The following SLC35F4 variants were observed in gnomAD, a reference collection of about 807,000 sequenced individuals.
SLC35F4 encodes chromosome 14 open reading frame 36.
SLC35F4 carries 24 observed loss-of-function variants against 44.2 expected under a neutral mutation model. The ratio of observed to expected loss-of-function variants is 0.54; its 90% CI spans 0.39 to 0.76. The LOEUF is 0.76. Ranked by LOEUF, SLC35F4 falls within the 30% of genes least tolerant of loss-of-function variation. SLC35F4 has a pLI of 0.00. For synonymous variants in SLC35F4, 238 were observed against 223.6 expected (o/e 1.06, Z -0.57); for missense variants, 562 against 586.1 (o/e 0.96, Z 0.42).
At chr14:57,622,668 G>C (rs2072250218) in intron 1 of SLC35F4, among the ~76,000 whole-genome samples, 1 of 152,050 alleles carries the variant, frequency 6.6e-6, no homozygotes, top group Admixed American at 6.6e-5. Flanking sequence ...GGGGACTGTT[G>C]TGGGGTTGGG....
chr14:57,728,874 G>T (rs2076279465), intron 1 of SLC35F4, among the ~76,000 whole-genome samples: 3 of 152,072 alleles, frequency 2.0e-5, no homozygotes, highest in South Asian at 2.1e-4. Context: ...CTCAGCTTTT[G>T]TTTGTCTGAG....
intron 1 of SLC35F4, among the ~76,000 whole-genome samples, chr14:57,880,254 T>TTGCA (rs1404898454): frequency 6.6e-6 from 1 of 152,202 alleles, no homozygotes; most frequent in African/African-American, 2.4e-5. Context: ...TTGCATTTGT[T>TTGCA]TGCATGTAGT....
chr14:57,863,213 C>G (rs1887829366), intron 1 of SLC35F4, among the ~76,000 whole-genome samples: 1 of 152,208 alleles, frequency 6.6e-6, no homozygotes, highest in Non-Finnish European at 1.5e-5. Flanking sequence ...TACTCAATAA[C>G]TGTTCATTAA....
intron 1 of SLC35F4, among the ~76,000 whole-genome samples, chr14:57,721,014 A>ATATG (rs2076074791): frequency 8.3e-6 from 1 of 120,096 alleles, no homozygotes; most frequent in Non-Finnish European, 1.8e-5. Flanking sequence ...ATATATATAT[A>ATATG]TGAGTTAATA....
intron 1 of SLC35F4, among the ~76,000 whole-genome samples, chr14:57,670,840 G>C (rs2074491458): frequency 6.6e-6 from 1 of 150,452 alleles, no homozygotes; most frequent in African/African-American, 2.4e-5. Flanking sequence ...TCTAATCCCA[G>C]AAAGACTAGG....
intron 1 of SLC35F4, among the ~76,000 whole-genome samples, chr14:57,928,853 G>C (rs561437262): frequency 7.2e-5 from 11 of 152,170 alleles, no homozygotes; most frequent in Non-Finnish European, 1.5e-5. Flanking sequence ...ACTTCCTCAA[G>C]AAGAAGAAGA....
At chr14:57,672,144 AG>A (rs2074542126) in intron 1 of SLC35F4, among the ~76,000 whole-genome samples, 1 of 152,086 alleles carries the variant, frequency 6.6e-6, no homozygotes, top group Non-Finnish European at 1.5e-5. Context: ...ACATTTTCTG[AG>A]GTGGACCGAG....
intron 1 of SLC35F4, among the ~76,000 whole-genome samples, chr14:57,890,581 C>T (rs953755594): frequency 6.6e-6 from 1 of 152,242 alleles, no homozygotes; most frequent in Admixed American, 6.5e-5. Context: ...TATCAATATT[C>T]TTTTTTCCAA....
intron 1 of SLC35F4, among the ~76,000 whole-genome samples, chr14:57,629,294 T>A (rs2072645140): frequency 6.6e-6 from 1 of 152,084 alleles, no homozygotes; most frequent in African/African-American, 2.4e-5. Flanking sequence ...TGACCTCCAC[T>A]AAAAATTTTT....
At chr14:57,859,457 T>C (rs1168082502) in intron 1 of SLC35F4, among the ~76,000 whole-genome samples, 1 of 152,228 alleles carries the variant, frequency 6.6e-6, no homozygotes, top group Non-Finnish European at 1.5e-5. Context: ...TTCCAGATTT[T>C]CTGCATTAAG....
chr14:57,932,051 C>T (rs1889707262), intron 1 of SLC35F4, among the ~76,000 whole-genome samples: 1 of 152,188 alleles, frequency 6.6e-6, no homozygotes, highest in South Asian at 2.1e-4. Context: ...CATCTCACTG[C>T]CTTGCTGACT....
At chr14:57,766,883 G>C (rs1024028539) in intron 1 of SLC35F4, among the ~76,000 whole-genome samples, 6 of 152,112 alleles carry the variant, frequency 3.9e-5, no homozygotes, top group African/African-American at 7.2e-5. Context: ...GAGAGTGATA[G>C]ATTATATAAT....
intron 1 of SLC35F4, among the ~76,000 whole-genome samples, chr14:57,717,336 G>A (rs2075969434): frequency 1.3e-5 from 2 of 152,112 alleles, no homozygotes; most frequent in South Asian, 4.2e-4. Flanking sequence ...TACCAACAGT[G>A]TATAAGAGTT....
intron 1 of SLC35F4, among the ~76,000 whole-genome samples, chr14:57,947,324 C>G (rs1452539093): frequency 6.9e-6 from 1 of 145,560 alleles, no homozygotes; most frequent in Non-Finnish European, 1.5e-5. Flanking sequence ...TGATTTGATT[C>G]TCAGGTTGGT....
At chr14:57,603,118 A>T (rs2070927054) in intron 1 of SLC35F4, among the ~76,000 whole-genome samples, 1 of 152,214 alleles carries the variant, frequency 6.6e-6, no homozygotes, top group African/African-American at 2.4e-5. Context: ...ATGGATTTTG[A>T]AGTATTCCTA....
In SLC35F4 at chr14:57,706,263, G is replaced by A. The variant is rs116344285; in HGVS notation, c.104-112139C>T. Among the ~76,000 whole-genome samples the A allele has an allele frequency of 6.5e-3, 990 of 152,288 alleles. 6 individuals are homozygous for A. Among genetic ancestry groups the A allele is most frequent in the African/African-American group, 0.022 (922 of 41,562 alleles). On this transcript the variant is annotated intron_variant, in intron 1 of 7. Transcript: ENST00000556826. ...GTTTTTGTCAAAAAATGACATCATT[G>A]TCCTAGATTGCAGTCTAGTCTTCTT...
chr14:57,909,933 T>C (rs1889184926), intron 1 of SLC35F4, among the ~76,000 whole-genome samples: 2 of 152,202 alleles, frequency 1.3e-5, no homozygotes, highest in Non-Finnish European at 2.9e-5. Context: ...TTCATTCCTG[T>C]CAGCAATGAA....
intron 1 of SLC35F4, among the ~76,000 whole-genome samples, chr14:57,749,658 T>G (rs1358597029): frequency 6.6e-6 from 1 of 152,204 alleles, no homozygotes; most frequent in East Asian, 1.9e-4. Context: ...GACCAGCCTC[T>G]CAGAAGCTGC....
At position 57,955,212 on chromosome 14, in the gene SLC35F4, T is replaced by C. The variant is rs1238928381; in HGVS notation, n.282+26701A>G. On this transcript the variant is annotated intron_variant and non_coding_transcript_variant, in intron 1 of 1. Coordinates refer to the SLC35F4 transcript ENST00000556568. The stretch of plus-strand genomic sequence containing the variant: ...AAAATCACATGATCATCTCAGTAGA[T>C]GCAGAAAAGGTCTTCAATAAAATTC... 2.6e-5 allele frequency among the ~76,000 whole-genome samples: 4 copies of C among 152,284 alleles called. No individual in the cohort carries two copies. The East Asian group carries it at 5.8e-4, about 22-fold the overall frequency.
Sources: allele counts gnomAD v4.1 joint callset (sites outside exome capture counted in the v4.1 genomes callset), GRCh38; gene constraint gnomAD v4.1.1; transcripts MANE v1.5; gene names NCBI Gene and HGNC (gene_info 2026-07-23, HGNC 2026-07-21).